The following BUD23 variants were observed in gnomAD, a reference collection of about 807,000 sequenced individuals.
BUD23 encodes the protein 18S rRNA (guanine-N(7))-methyltransferase.
Under a neutral mutation model 47.0 loss-of-function variants are expected in BUD23, and 34 were observed. The observed-to-expected ratio is 0.72, with a 90% CI of 0.55 to 0.96. The LOEUF (loss-of-function observed/expected upper bound fraction) is 0.96. BUD23 is among the 40% of genes least tolerant of loss of function. The pLI is 0.00. For missense variants in BUD23, 343 were observed against 361.2 expected, an observed-to-expected ratio of 0.95 and a Z score of 0.41; for synonymous variants, 124 against 132.0, an observed-to-expected ratio of 0.94 and a Z score of 0.41.
intron 5 of BUD23, among the ~76,000 whole-genome samples, chr7:73,688,407 C>T (rs1554613476): frequency 6.6e-6 from 1 of 152,174 alleles, no homozygotes; most frequent in African/African-American, 2.4e-5. Context: ...GTTCGGGCAC[C>T]ACTGGTACAG....
chr7:73,695,759 T>C (rs1798379310), intron 10 of BUD23: 2 of 152,302 alleles, frequency 1.3e-5, no homozygotes, highest in Admixed American at 1.3e-4. Flanking sequence ...AGTCTTTGCC[T>C]CTTTCAGATT....
At chr7:73,684,617 A>AAGGGG (rs1554612517) in intron 2 of BUD23, among the ~76,000 whole-genome samples, 77 of 86,516 alleles carry the variant, frequency 8.9e-4, no homozygotes, top group South Asian at 2.4e-3. Flanking sequence ...AAAAAAAAAA[A>AAGGGG]GGGGGGGGGA....
chr7:73,686,379 T>C (rs1297183144), intron 2 of BUD23, among the ~76,000 whole-genome samples: 1 of 152,214 alleles, frequency 6.6e-6, no homozygotes, highest in Non-Finnish European at 1.5e-5. Context: ...ACACATCTGC[T>C]TGGCAGCTGG....
chr7:73,685,303 G>C (rs1797920355), intron 2 of BUD23, among the ~76,000 whole-genome samples: 1 of 152,188 alleles, frequency 6.6e-6, no homozygotes, highest in Admixed American at 6.5e-5. Flanking sequence ...ATAGCTATTG[G>C]ATACTGTTTC....
At chr7:73,689,284 T>C (rs1798096798) in intron 5 of BUD23, among the ~76,000 whole-genome samples, 1 of 152,060 alleles carries the variant, frequency 6.6e-6, no homozygotes, top group Non-Finnish European at 1.5e-5. Context: ...CCTGACTTCA[T>C]GAACTGCCCG....
At position 73,683,789 on chromosome 7, in the gene BUD23, G is replaced by A. The variant is rs148529785; in HGVS notation, c.71G>A (p.Arg24Gln). 1.3e-4 allele frequency: 214 copies of A among 1,614,016 alleles called. 1 individual carries two copies. The highest frequency in any genetic ancestry group is 5.0e-5 in the Admixed American group (3 of 60,000). Residue 24 changes from arginine to glutamine, a missense_variant, in exon 2 of 12, where the codon CGG becomes CAG. Coordinates refer to ENST00000265758, the MANE Select transcript of BUD23 (RefSeq NM_017528.5). ...PELFYDETEA[R>Q]KYVRNSRMID... ...CAGTTTTATGACGAGACAGAAGCCC[G>A]GAAATACGTTCGCAAGTGAGGGGAG...
At position 73,684,463 on chromosome 7, in the gene BUD23, C is replaced by CT. The variant is rs1272827875; in HGVS notation, c.86+667dup. 4.7e-5 allele frequency among the ~76,000 whole-genome samples: 7 copies of CT among 149,626 alleles called. No individual in the cohort carries two copies. The East Asian group carries it at 8.4e-4, about 18-fold the overall frequency. On this transcript the variant is annotated intron_variant, in intron 2 of 11. Coordinates refer to ENST00000265758, the MANE Select transcript of BUD23 (RefSeq NM_017528.5). Reference sequence around the variant, plus strand: ...CACAGGCGCGCGCCACTACGCCTGGCTTTTTTTTGTAAATTTTTGTTGCGA... The same window carrying CT: ...CACAGGCGCGCGCCACTACGCCTGGCTTTTTTTTTGTAAATTTTTGTTGCGA...
At chr7:73,696,701 A>G (rs1050564044) in intron 10 of BUD23, 1 of 152,116 alleles carries the variant, frequency 6.6e-6, no homozygotes, top group Non-Finnish European at 1.5e-5. Flanking sequence ...AGGTGAATTA[A>G]GAAAAAGTTT....
At chr7:73,685,052 AT>A (rs1200355246) in intron 2 of BUD23, among the ~76,000 whole-genome samples, 3 of 151,284 alleles carry the variant, frequency 2.0e-5, no homozygotes, top group African/African-American at 7.3e-5. Context: ...CATACCAGTA[AT>A]CCCAGCCCTG....
At chr7:73,692,508 ATACT>A in intron 6 of BUD23, 84 bp from the exon 7 acceptor site, 1 of 1,301,508 alleles carries the variant, frequency 7.7e-7, no homozygotes, top group Non-Finnish European at 1.1e-6. Context: ...AATTCAGGAA[ATACT>A]TGGTGAATGA....
rs1442926961 is a variant in BUD23 at position 73,694,036 on chromosome 7, GT to G, written c.689del (p.Phe230SerfsTer8). The G allele has an allele frequency of 1.9e-6, 3 of 1,610,096 alleles. No individual in the cohort carries two copies. The highest frequency in any genetic ancestry group is 2.5e-6 in the Non-Finnish European group (3 of 1,179,032). ...QDEVEPRESV[F>X]TNERFPLRMS... is the part of the protein sequence containing the mutation. ...ATGAAGTTGAACCCAGGGAGTCTGTGTTCACCAATGAGAGGTAAAGCAACTG... is the reference window on the plus strand; with the variant it reads ...ATGAAGTTGAACCCAGGGAGTCTGTGTCACCAATGAGAGGTAAAGCAACTG... On this transcript the variant is annotated frameshift_variant, in exon 10 of 12. Coordinates refer to ENST00000265758, the MANE Select transcript of BUD23 (RefSeq NM_017528.5). LOFTEE classifies it high-confidence loss of function.
intron 5 of BUD23, among the ~76,000 whole-genome samples, chr7:73,689,326 C>CT (rs1798098513): frequency 6.6e-6 from 1 of 151,470 alleles, no homozygotes; most frequent in African/African-American, 2.4e-5. Flanking sequence ...GGATTACAGG[C>CT]GTGAGCCACC....
chr7:73,684,872 C>CT (rs1797890083), intron 2 of BUD23, among the ~76,000 whole-genome samples: 5 of 126,598 alleles, frequency 3.9e-5, no homozygotes, highest in African/African-American at 1.5e-4. Flanking sequence ...TGCAGTGAGC[C>CT]GACATCACGG....
At position 73,697,623 on chromosome 7, in the gene BUD23, G is replaced by T; in HGVS notation, c.720G>T (p.Ser240=). ...GCCACAGGTTCCCATTAAGGATGTC[G>T]AGGCGGGGAATGGTGAGGAAGAGTC... The part of the protein sequence containing the change: ...FTNERFPLRM[S]RRGMVRKSRA... Residue 240 remains serine, a synonymous_variant, in exon 11 of 12, where the codon TCG becomes TCT. Coordinates refer to ENST00000265758, the MANE Select transcript of BUD23 (RefSeq NM_017528.5). The T allele has an allele frequency of 6.2e-7, 1 of 1,613,708 alleles. No homozygotes were observed. The highest frequency in any genetic ancestry group is 8.5e-7 in the Non-Finnish European group (1 of 1,179,968).
At chr7:73,697,403 C>T in intron 10 of BUD23, 1 of 1,532,902 alleles carries the variant, frequency 6.5e-7, no homozygotes, top group Non-Finnish European at 8.7e-7. Flanking sequence ...ACCCAACAAC[C>T]TCTGTGGCCC....
At chr7:73,684,929 A>AAAC in intron 2 of BUD23, among the ~76,000 whole-genome samples, 1 of 56,944 alleles carries the variant, frequency 1.8e-5, no homozygotes, top group Non-Finnish European at 5.3e-5. Flanking sequence ...GTTTCAAAAA[A>AAAC]AAAAAAAAAA....
At chr7:73,685,507 G>A (rs182357251) in intron 2 of BUD23, among the ~76,000 whole-genome samples, 5 of 152,320 alleles carry the variant, frequency 3.3e-5, no homozygotes. Flanking sequence ...CCGAAGTGCT[G>A]CAGTGGCTGC....
chr7:73,686,530 T>C (rs1797976112), intron 2 of BUD23, 106 bp from the exon 3 acceptor site: 2 of 974,304 alleles, frequency 2.1e-6, no homozygotes, highest in South Asian at 3.0e-5. Context: ...GATCCGTTTT[T>C]TGTTTGTTTT....
At chr7:73,689,327 G>A (rs527847235) in intron 5 of BUD23, among the ~76,000 whole-genome samples, 23 of 151,952 alleles carry the variant, frequency 1.5e-4, no homozygotes, top group African/African-American at 5.5e-4. Flanking sequence ...GATTACAGGC[G>A]TGAGCCACCG....
Sources: allele counts gnomAD v4.1 joint callset (sites outside exome capture counted in the v4.1 genomes callset), GRCh38; gene constraint gnomAD v4.1.1; transcripts MANE v1.5; gene names NCBI Gene and HGNC (gene_info 2026-07-23, HGNC 2026-07-21).